The following STIMATE variants were observed in gnomAD, a reference collection of about 807,000 sequenced individuals.
STIMATE encodes the protein STIM activating enhancer, also known as store-operated calcium entry regulator STIMATE.
In STIMATE, 15 loss-of-function variants were observed where a neutral mutation model predicts 36.7. The ratio of observed to expected loss-of-function variants is 0.41; its 90% CI spans 0.27 to 0.63. The LOEUF (loss-of-function observed/expected upper bound fraction) is 0.63. Ranked by LOEUF, STIMATE falls within the 20% of genes least tolerant of loss-of-function variation. The pLI is 0.32. For missense variants in STIMATE, 305 were observed against 397.3 expected (o/e 0.77, Z 1.98); for synonymous variants, 163 against 162.3 (o/e 1.00, Z -0.03).
intron 1 of STIMATE, among the ~76,000 whole-genome samples, chr3:52,885,799 T>C (rs972226376): frequency 6.6e-6 from 1 of 152,212 alleles, no homozygotes; most frequent in Non-Finnish European, 1.5e-5. Context: ...TGCTCTGAGA[T>C]CTGGAAAGTG....
At chr3:52,892,358 A>G (rs1701796685) in intron 1 of STIMATE, among the ~76,000 whole-genome samples, 1 of 152,254 alleles carries the variant, frequency 6.6e-6, no homozygotes, top group Non-Finnish European at 1.5e-5. Flanking sequence ...CATTATGGAT[A>G]AATGCTACCA....
chr3:52,891,196 G>C (rs1701776447), intron 1 of STIMATE, among the ~76,000 whole-genome samples: 2 of 152,214 alleles, frequency 1.3e-5, no homozygotes. Context: ...TGTGTGGAAA[G>C]AGGGGTGGAA....
At chr3:52,882,022 T>C (rs926844275) in intron 1 of STIMATE, among the ~76,000 whole-genome samples, 1 of 152,258 alleles carries the variant, frequency 6.6e-6, no homozygotes, top group Non-Finnish European at 1.5e-5. Flanking sequence ...ACATTTACTA[T>C]TGGCTGCGTA....
intron 1 of STIMATE, among the ~76,000 whole-genome samples, chr3:52,885,213 T>A (rs1036698505): frequency 6.6e-6 from 1 of 152,240 alleles, no homozygotes; most frequent in East Asian, 1.9e-4. Context: ...CATTTGTATA[T>A]CTTTTCTGGA....
At chr3:52,864,672 G>T (rs1478955533) in intron 1 of STIMATE, among the ~76,000 whole-genome samples, 2 of 152,172 alleles carry the variant, frequency 1.3e-5, no homozygotes, top group African/African-American at 2.4e-5. Flanking sequence ...TTACAAGACT[G>T]AATGCCTTTA....
rs1177970165 is a variant in STIMATE, at chr3:52,843,178, G to A, written c.619-218C>T. 6 of 899,236 alleles carry A rather than the reference G, an allele frequency of 6.7e-6. No homozygotes were observed. The African/African-American group carries it at 6.8e-5, about 10-fold the overall frequency. The allele number at this position is 899,236 out of a possible 1,614,324, so 55.7% of individuals were successfully genotyped here. On this transcript the variant is annotated intron_variant, in intron 6 of 7. Transcript: ENST00000355083. ...TTTCTGATCAGAGTGTGCAAGGAAC[G>A]TGCCCTGACGGGTTTTTGTTGTGGT...
At chr3:52,887,375 T>A (rs1449548415) in intron 1 of STIMATE, among the ~76,000 whole-genome samples, 1 of 152,226 alleles carries the variant, frequency 6.6e-6, no homozygotes, top group East Asian at 1.9e-4. Flanking sequence ...GCCTGGCTGG[T>A]GGACCGGACC....
chr3:52,857,226 G>A (rs1261051942), intron 1 of STIMATE, among the ~76,000 whole-genome samples: 1 of 152,130 alleles, frequency 6.6e-6, no homozygotes, highest in East Asian at 1.9e-4. Flanking sequence ...GAGACATGTT[G>A]AGAGAGAGAG....
chr3:52,882,434 G>T (rs1024161524), intron 1 of STIMATE, among the ~76,000 whole-genome samples: 1 of 152,204 alleles, frequency 6.6e-6, no homozygotes, highest in African/African-American at 2.4e-5. Flanking sequence ...TCATGGAGGT[G>T]ACCTGCCACA....
intron 1 of STIMATE, among the ~76,000 whole-genome samples, chr3:52,878,527 TG>T (rs1287886233): frequency 6.6e-6 from 1 of 152,222 alleles, no homozygotes; most frequent in South Asian, 2.1e-4. Context: ...AGGAACCCTA[TG>T]GTCCTGGATG....
At chr3:52,861,431 C>T (rs574342730) in intron 1 of STIMATE, among the ~76,000 whole-genome samples, 25 of 152,328 alleles carry the variant, frequency 1.6e-4, no homozygotes, top group African/African-American at 5.8e-4. Context: ...AGGCATGGGT[C>T]TCATCAGCCC....
At chr3:52,886,496 T>C (rs1415666843) in intron 1 of STIMATE, among the ~76,000 whole-genome samples, 1 of 152,124 alleles carries the variant, frequency 6.6e-6, no homozygotes, top group Non-Finnish European at 1.5e-5. Flanking sequence ...AGTAAATGAG[T>C]TGACATACGT....
At chr3:52,855,348 C>A in intron 2 of STIMATE, 48 bp downstream of exon 2, 1 of 1,607,944 alleles carries the variant, frequency 6.2e-7, no homozygotes. Flanking sequence ...CCAAGACCCC[C>A]AACATAGTCA....
intron 4 of STIMATE, among the ~76,000 whole-genome samples, chr3:52,848,748 T>C (rs1700948863): frequency 6.6e-6 from 1 of 152,176 alleles, no homozygotes; most frequent in Non-Finnish European, 1.5e-5. Flanking sequence ...CTGTGGTCCA[T>C]TTCTGTTCTG....
chr3:52,889,434 C>A (rs535427420), intron 1 of STIMATE, among the ~76,000 whole-genome samples: 13 of 152,200 alleles, frequency 8.5e-5, no homozygotes, highest in Non-Finnish European at 1.5e-4. Flanking sequence ...TCCATAAAAG[C>A]TAGTTAACAA....
intron 1 of STIMATE, 84 bp from the exon 2 acceptor site, chr3:52,855,528 C>T: frequency 1.3e-6 from 2 of 1,589,474 alleles, no homozygotes; most frequent in Non-Finnish European, 1.7e-6. Flanking sequence ...TATCAGTCTA[C>T]TCACTGTGTG....
chr3:52,866,927 C>T (rs1385058538), intron 1 of STIMATE, among the ~76,000 whole-genome samples: 1 of 152,082 alleles, frequency 6.6e-6, no homozygotes, highest in South Asian at 2.1e-4. Flanking sequence ...GAGGTGCAGC[C>T]CAAGAGATGC....
intron 1 of STIMATE, among the ~76,000 whole-genome samples, chr3:52,873,880 A>G (rs1319686940): frequency 6.6e-6 from 1 of 152,172 alleles, no homozygotes; most frequent in African/African-American, 2.4e-5. Flanking sequence ...ATGCATCACC[A>G]CTACACTGCT....
At chr3:52,882,731 C>T (rs1011192035) in intron 1 of STIMATE, among the ~76,000 whole-genome samples, 7 of 152,112 alleles carry the variant, frequency 4.6e-5, no homozygotes, top group African/African-American at 1.4e-4. Flanking sequence ...TTCTCATTCC[C>T]CCAAACAAGG....
Sources: gnomAD v4.1 joint callset for allele counts (sites outside exome capture counted in the v4.1 genomes callset) on GRCh38, gnomAD v4.1.1 for gene constraint, MANE v1.5 for transcripts, NCBI Gene and HGNC (gene_info 2026-07-23, HGNC 2026-07-21) for gene names.